Variants in CACNA2D3 observed in about 807,000 individuals in gnomAD.
The protein encoded by CACNA2D3 is voltage-dependent calcium channel subunit alpha-2/delta-3.
CACNA2D3 carries 60 observed loss-of-function variants against 160.6 expected under a neutral mutation model. That is an observed-to-expected ratio of 0.37 (90% confidence interval 0.30 to 0.46). CACNA2D3 has a LOEUF of 0.46. Among genes scored for constraint, CACNA2D3 ranks in the 20% least tolerant of loss-of-function variants. CACNA2D3 has a pLI of 1.00. For synonymous variants in CACNA2D3, 558 were observed against 492.9 expected (o/e 1.13, Z -1.75); for missense variants, 1,205 against 1,365.0 (o/e 0.88, Z 1.85).
chr3:54,845,488 C>G (rs777396996), intron 16 of CACNA2D3, among the ~76,000 whole-genome samples: 4 of 152,142 alleles, frequency 2.6e-5, no homozygotes, highest in Non-Finnish European at 4.4e-5. Flanking sequence ...AACTGGGTTA[C>G]ATTTTCTTTC....
intron 17 of CACNA2D3, among the ~76,000 whole-genome samples, chr3:54,869,840 C>T (rs1699485868): frequency 6.6e-6 from 1 of 152,234 alleles, no homozygotes; most frequent in African/African-American, 2.4e-5. Context: ...TCCATGCACA[C>T]AGGAACTTTC....
chr3:54,478,308 T>G (rs1212277367), intron 4 of CACNA2D3, among the ~76,000 whole-genome samples: 1 of 152,068 alleles, frequency 6.6e-6, no homozygotes, highest in Non-Finnish European at 1.5e-5. Flanking sequence ...TCTGAAAATA[T>G]TACATGGCAA....
intron 16 of CACNA2D3, among the ~76,000 whole-genome samples, chr3:54,839,948 C>G (rs1481687070): frequency 6.6e-6 from 1 of 152,108 alleles, no homozygotes; most frequent in East Asian, 1.9e-4. Flanking sequence ...AACTGTAGTT[C>G]CTGAGAAACT....
At chr3:54,975,036 C>G (rs145131987) in intron 29 of CACNA2D3, among the ~76,000 whole-genome samples, 103 of 152,292 alleles carry the variant, frequency 6.8e-4, no homozygotes, top group African/African-American at 2.4e-3. Context: ...CTAGCTAATT[C>G]TGTCCTAATT....
chr3:54,261,307 C>T (rs1183811879), intron 2 of CACNA2D3, among the ~76,000 whole-genome samples: 1 of 152,164 alleles, frequency 6.6e-6, no homozygotes. Flanking sequence ...CTCTCCACAT[C>T]TGGTGTCCAG....
At chr3:54,605,884 G>C (rs1457937885) in intron 9 of CACNA2D3, among the ~76,000 whole-genome samples, 40 of 152,288 alleles carry the variant, frequency 2.6e-4, no homozygotes, top group South Asian at 2.1e-4. Context: ...ATATGAATTT[G>C]ATGATATTTG....
At chr3:54,262,232 C>G (rs1702413857) in intron 2 of CACNA2D3, among the ~76,000 whole-genome samples, 1 of 152,130 alleles carries the variant, frequency 6.6e-6, no homozygotes, top group South Asian at 2.1e-4. Context: ...CATATCATAT[C>G]ACAAACTCAG....
chr3:54,237,289 C>A (rs1277677060), intron 2 of CACNA2D3, among the ~76,000 whole-genome samples: 2 of 152,078 alleles, frequency 1.3e-5, no homozygotes, highest in Non-Finnish European at 2.9e-5. Flanking sequence ...ATAAAGTTTG[C>A]CGTGCAGGGG....
intron 4 of CACNA2D3, among the ~76,000 whole-genome samples, chr3:54,451,010 G>T (rs1700296944): frequency 6.6e-6 from 1 of 151,926 alleles, no homozygotes; most frequent in Non-Finnish European, 1.5e-5. Context: ...AAAGAGTCAT[G>T]GATACCAAGT....
intron 4 of CACNA2D3, among the ~76,000 whole-genome samples, chr3:54,430,625 G>C (rs1290173457): frequency 6.6e-6 from 1 of 152,160 alleles, no homozygotes; most frequent in Non-Finnish European, 1.5e-5. Context: ...GATATGTCTA[G>C]GGTCTCCCCT....
intron 2 of CACNA2D3, among the ~76,000 whole-genome samples, chr3:54,127,595 A>G (rs1352144150): frequency 6.6e-6 from 1 of 152,220 alleles, no homozygotes; most frequent in Non-Finnish European, 1.5e-5. Context: ...TTTTGTGTTG[A>G]ATAAACACAG....
At chr3:54,488,876 T>TC (rs1701061980) in intron 4 of CACNA2D3, among the ~76,000 whole-genome samples, 1 of 152,048 alleles carries the variant, frequency 6.6e-6, no homozygotes. Context: ...CTCGTGAGGC[T>TC]CCAAGATCCC....
chr3:54,414,268 C>T (rs1290643121), intron 4 of CACNA2D3, among the ~76,000 whole-genome samples: 4 of 151,972 alleles, frequency 2.6e-5, no homozygotes, highest in Non-Finnish European at 5.9e-5. Context: ...GAGAAAAATG[C>T]ATTTCTGTTA....
intron 4 of CACNA2D3, among the ~76,000 whole-genome samples, chr3:54,403,324 C>G (rs1699506039): frequency 6.6e-6 from 1 of 150,808 alleles, no homozygotes; most frequent in Non-Finnish European, 1.5e-5. Flanking sequence ...CACTGCACTC[C>G]AGCCTGGGTG....
At chr3:54,465,451 A>G (rs1700605003) in intron 4 of CACNA2D3, among the ~76,000 whole-genome samples, 1 of 152,204 alleles carries the variant, frequency 6.6e-6, no homozygotes, top group African/African-American at 2.4e-5. Context: ...ACTTTATTAT[A>G]TGTACGTAGG....
chr3:54,645,206 G>A (rs1699611302), intron 11 of CACNA2D3, among the ~76,000 whole-genome samples: 1 of 152,144 alleles, frequency 6.6e-6, no homozygotes, highest in African/African-American at 2.4e-5. Context: ...GAGTGAAGGG[G>A]AAAGAGCCTC....
intron 4 of CACNA2D3, among the ~76,000 whole-genome samples, chr3:54,413,999 A>C (rs1229854829): frequency 6.6e-6 from 1 of 151,218 alleles, no homozygotes; most frequent in Non-Finnish European, 1.5e-5. Context: ...TGATTTGTAT[A>C]CATTTACTTA....
chr3:54,697,794 A>G (rs1575428498), intron 11 of CACNA2D3, among the ~76,000 whole-genome samples: 1 of 152,198 alleles, frequency 6.6e-6, no homozygotes, highest in Non-Finnish European at 1.5e-5. Flanking sequence ...TACTGCTGGG[A>G]AGAGGGTAGG....
chr3:54,681,139 CAGAG>C lies in CACNA2D3; in HGVS notation c.1167+38904_1167+38907del, dbSNP rs1298090954. Among the ~76,000 whole-genome samples, 198 of 143,124 alleles carry C rather than the reference CAGAG, an allele frequency of 1.4e-3. 1 individual carries two copies. Among genetic ancestry groups the C allele is most frequent in the African/African-American group, 4.7e-3 (186 of 39,514 alleles). The allele number at this position is 143,124 out of a possible 152,430, so 93.9% of individuals were successfully genotyped here. ...CTAAGGAGAGAGAGAGAGAGAGAGA[CAGAG>C]AGAGAAGAGAGAGAAAGTAGACAAA... On this transcript the variant is annotated intron_variant, in intron 11 of 37. Coordinates refer to ENST00000474759, the MANE Select transcript of CACNA2D3 (RefSeq NM_018398.3).
Sources: gnomAD v4.1 joint callset for allele counts (sites outside exome capture counted in the v4.1 genomes callset) on GRCh38, gnomAD v4.1.1 for gene constraint, MANE v1.5 for transcripts, NCBI Gene and HGNC (gene_info 2026-07-23, HGNC 2026-07-21) for gene names.